Variants in FANCI observed in about 807,000 individuals in gnomAD.
The protein encoded by FANCI is Fanconi anemia group I protein.
FANCI carries 156 observed loss-of-function variants against 176.1 expected under a neutral mutation model. That is an observed-to-expected ratio of 0.89 (90% CI 0.78 to 1.01). The LOEUF (loss-of-function observed/expected upper bound fraction) is 1.01, where lower values mean the gene tolerates loss of function less well. Among genes scored for constraint, FANCI ranks in the 50% least tolerant of loss-of-function variants. The pLI, the probability that FANCI is intolerant of heterozygous loss-of-function variation, is 0.00. For synonymous variants in FANCI, 613 were observed against 541.7 expected (o/e 1.13, Z -1.83); for missense variants, 1,678 against 1,534.1 (o/e 1.09, Z -1.57).
At chr15:89,290,647 A>G (rs908737648) in intron 19 of FANCI, 11 of 230,010 alleles carry the variant, frequency 4.8e-5, no homozygotes, top group Non-Finnish European at 7.9e-5. Context: ...AATCTGGGTA[A>G]TGGATACATG....
At chr15:89,290,130 A>G in intron 18 of FANCI, 83 bp from the exon 19 acceptor site, 1 of 1,100,544 alleles carries the variant, frequency 9.1e-7, no homozygotes, top group Non-Finnish European at 1.4e-6. Flanking sequence ...GAGGATAAAG[A>G]AAGTGTTATT....
At position 89,305,249 on chromosome 15, in the gene FANCI, T is replaced by TG. The variant is rs762412096; in HGVS notation, c.3186+7_3186+8insG. ...TCTGGGAGATATAGACCAGGTACTA[T>TG]AATGAGCCTTCAGTACAATACCCTG... On this transcript the variant is annotated splice_region_variant and intron_variant, in intron 29 of 37. Coordinates refer to ENST00000310775, the MANE Select transcript of FANCI (RefSeq NM_001113378.2). 22 of 1,614,132 alleles carry TG rather than the reference T, an allele frequency of 1.4e-5. No homozygotes were observed. The highest frequency in any genetic ancestry group is 1.8e-5 in the Non-Finnish European group (21 of 1,180,050).
At chr15:89,269,247 C>T (rs767983834) in intron 10 of FANCI, among the ~76,000 whole-genome samples, 3 of 152,206 alleles carry the variant, frequency 2.0e-5, no homozygotes, top group Admixed American at 2.0e-4. Context: ...CCTAACACTT[C>T]AATGCCTGAA....
At chr15:89,311,880 C>G (rs2054978477) in intron 34 of FANCI, among the ~76,000 whole-genome samples, 1 of 152,184 alleles carries the variant, frequency 6.6e-6, no homozygotes, top group Non-Finnish European at 1.5e-5. Flanking sequence ...CATTTCTGTA[C>G]CGTACCTTAC....
chr15:89,262,255 T>C (rs2052743824), intron 6 of FANCI, among the ~76,000 whole-genome samples: 1 of 150,586 alleles, frequency 6.6e-6, no homozygotes, highest in Admixed American at 6.6e-5. Flanking sequence ...TCTTTTTTCT[T>C]TTTTTTTTGA....
In FANCI at chr15:89,294,924, C is replaced by T. The variant is rs1466146764; in HGVS notation, c.2466C>T (p.Ile822=). ...SLLTALFRDS[I]QSHQESLSVL... The stretch of plus-strand genomic sequence containing the variant: ...CTCTGTCTCTCTCTAGGGATAGTAT[C>T]CAAAGCCACCAAGAAAGCCTTTCTG... Residue 822 remains isoleucine, a synonymous_variant, in exon 24 of 38, where the codon ATC becomes ATT. Transcript: ENST00000310775. 2 of 1,552,022 alleles carry T rather than the reference C, an allele frequency of 1.3e-6. No homozygotes were observed. The highest frequency in any genetic ancestry group is 1.7e-6 in the Non-Finnish European group (2 of 1,147,070).
At position 89,311,064 on chromosome 15, in the gene FANCI, C is replaced by T. The variant is rs565176892; in HGVS notation, c.3652-1840C>T. 7.3e-5 allele frequency among the ~76,000 whole-genome samples: 11 copies of T among 151,720 alleles called. No individual in the cohort carries two copies. In the South Asian group the frequency reaches 1.0e-3, roughly 14 times the overall value. On this transcript the variant is annotated intron_variant, in intron 34 of 37. Coordinates refer to ENST00000310775, the MANE Select transcript of FANCI (RefSeq NM_001113378.2). Reference sequence around the variant, plus strand: ...CAAGGTCAGGAGTTCGAAACTAGCCCGGCCAACATGGTGAAACCCCATTTC... The same window carrying T: ...CAAGGTCAGGAGTTCGAAACTAGCCTGGCCAACATGGTGAAACCCCATTTC...
At chr15:89,306,289 C>T (rs955500209) in intron 32 of FANCI, 95 bp downstream of exon 32, 57 of 1,290,940 alleles carry the variant, frequency 4.4e-5, no homozygotes, top group Non-Finnish European at 5.7e-5. Flanking sequence ...CAGAATGCCC[C>T]TAAACAAGAG....
chr15:89,309,505 A>C (rs1406270270), intron 34 of FANCI, among the ~76,000 whole-genome samples: 1 of 152,148 alleles, frequency 6.6e-6, no homozygotes, highest in Non-Finnish European at 1.5e-5. Flanking sequence ...TGAGGTAAGA[A>C]GATCACTTGA....
rs969435127 is a variant in FANCI, at chr15:89,282,950, T to C, written c.1584-186T>C. ...AGTATTGAAAAAAGTCAGTTGAATT[T>C]CTGTACTATAAATTGCTTTGAACAG... On this transcript the variant is annotated intron_variant, in intron 16 of 37. Coordinates refer to ENST00000310775, the MANE Select transcript of FANCI (RefSeq NM_001113378.2). 72 of 627,790 alleles carry C rather than the reference T, an allele frequency of 1.1e-4. 1 individual carries two copies. Among genetic ancestry groups the C allele is most frequent in the Non-Finnish European group, 2.0e-4 (70 of 350,174 alleles). The allele number at this position is 627,790 out of a possible 1,614,324, so 38.9% of individuals were successfully genotyped here.
chr15:89,244,912 A>G (rs2051877371), intron 1 of FANCI, among the ~76,000 whole-genome samples: 1 of 152,222 alleles, frequency 6.6e-6, no homozygotes, highest in Admixed American at 6.5e-5. Flanking sequence ...TAGGGGTTCA[A>G]TAATTTGTTC....
intron 23 of FANCI, 71 bp from the exon 24 acceptor site, chr15:89,294,844 A>G: frequency 3.4e-6 from 5 of 1,475,152 alleles, no homozygotes; most frequent in Non-Finnish European, 4.5e-6. Flanking sequence ...ATTTCTAGAA[A>G]GCTTAATTCC....
intron 11 of FANCI, among the ~76,000 whole-genome samples, chr15:89,273,895 T>C (rs1365646818): frequency 6.6e-6 from 1 of 152,220 alleles, no homozygotes; most frequent in Non-Finnish European, 1.5e-5. Flanking sequence ...TATTGACTTT[T>C]AGCCTTTTTT....
At chr15:89,246,863 T>C (rs1216555345) in intron 1 of FANCI, among the ~76,000 whole-genome samples, 4 of 148,724 alleles carry the variant, frequency 2.7e-5, no homozygotes, top group Non-Finnish European at 3.0e-5. Context: ...CCTCCCGGGT[T>C]CACGCCATTC....
intron 2 of FANCI, among the ~76,000 whole-genome samples, chr15:89,258,412 C>G (rs2052586000): frequency 6.6e-6 from 1 of 152,016 alleles, no homozygotes; most frequent in Non-Finnish European, 1.5e-5. Context: ...TATAACATGC[C>G]TAAGGAAAAT....
chr15:89,292,897 T>C (rs773295991), intron 21 of FANCI, 33 bp downstream of exon 21: 2 of 1,614,010 alleles, frequency 1.2e-6, no homozygotes, highest in Non-Finnish European at 1.7e-6. Flanking sequence ...TATTGAATGA[T>C]GGAGTTCTTT....
chr15:89,281,244 G>T lies in FANCI; in HGVS notation c.1456G>T (p.Asp486Tyr). 3 of 1,613,820 alleles carry T rather than the reference G, an allele frequency of 1.9e-6. No homozygotes were observed. In the South Asian group the frequency reaches 3.3e-5, roughly 18 times the overall value. ...TTCTTCTAAAGTCACAGAAGCTTTT[G>T]ACTATTTGTCCTTTCTGCCCCTTCA... ...SCSSKVTEAF[D>Y]YLSFLPLQTV... Residue 486 changes from aspartate to tyrosine, a missense_variant, in exon 15 of 38, where the codon GAC becomes TAC. By Grantham distance (160) the Asp-to-Tyr change is radical. Coordinates refer to ENST00000310775, the MANE Select transcript of FANCI (RefSeq NM_001113378.2).
Position 89,253,060 on chromosome 15 carries a change from A to G in FANCI, c.84+5329A>G, listed in dbSNP as rs574086063. 1.9e-4 allele frequency among the ~76,000 whole-genome samples: 29 copies of G among 152,362 alleles called. No homozygotes were observed. In the South Asian group the frequency reaches 3.1e-3, roughly 16 times the overall value. On this transcript the variant is annotated intron_variant, in intron 2 of 37. Coordinates refer to ENST00000310775, the MANE Select transcript of FANCI (RefSeq NM_001113378.2). Reference sequence around the variant, plus strand: ...GAGACTAAACACCACAAAAACTTTTATAAATAAGAGTGCAGTACTGGTACA... The same window carrying G: ...GAGACTAAACACCACAAAAACTTTTGTAAATAAGAGTGCAGTACTGGTACA...
intron 2 of FANCI, among the ~76,000 whole-genome samples, chr15:89,256,097 T>C (rs985596863): frequency 9.2e-5 from 14 of 152,226 alleles, no homozygotes; most frequent in African/African-American, 3.1e-4. Context: ...CCACACTGCT[T>C]TCTGTTGAAA....
Sources: gnomAD v4.1 joint callset for allele counts (sites outside exome capture counted in the v4.1 genomes callset) on GRCh38, gnomAD v4.1.1 for gene constraint, MANE v1.5 for transcripts, NCBI Gene and HGNC (gene_info 2026-07-23, HGNC 2026-07-21) for gene names.